Variants in GPC5 observed in about 807,000 individuals in gnomAD.
The protein encoded by GPC5 is glypican 5.
In GPC5, 47 loss-of-function variants were observed where a neutral mutation model predicts 53.9. The observed-to-expected ratio is 0.87, with a 90% CI of 0.69 to 1.11. The LOEUF (loss-of-function observed/expected upper bound fraction) is 1.11. GPC5 is among the 50% of genes most tolerant of loss of function. The pLI, the probability that GPC5 is intolerant of heterozygous loss-of-function variation, is 0.00. For synonymous variants in GPC5, 286 were observed against 263.3 expected, an observed-to-expected ratio of 1.09 and a Z score of -0.84; for missense variants, 748 against 713.1, an observed-to-expected ratio of 1.05 and a Z score of -0.56.
At chr13:91,917,771 A>AC (rs1403500602) in intron 6 of GPC5, among the ~76,000 whole-genome samples, 1 of 152,176 alleles carries the variant, frequency 6.6e-6, no homozygotes, top group East Asian at 1.9e-4. Context: ...TCCACATGAG[A>AC]CCACCTCAGG....
chr13:91,556,204 A>T (rs2030938535), intron 2 of GPC5, among the ~76,000 whole-genome samples: 1 of 152,062 alleles, frequency 6.6e-6, no homozygotes, highest in Admixed American at 6.6e-5. Context: ...TTTAAAAAAA[A>T]ACTCAGCATA....
chr13:91,709,291 G>A (rs1166299333), intron 3 of GPC5, among the ~76,000 whole-genome samples: 1 of 152,152 alleles, frequency 6.6e-6, no homozygotes, highest in Non-Finnish European at 1.5e-5. Flanking sequence ...ATCTTCCAAT[G>A]GTTTTTATTT....
At chr13:91,470,910 T>G (rs1481241418) in intron 2 of GPC5, among the ~76,000 whole-genome samples, 2 of 152,148 alleles carry the variant, frequency 1.3e-5, no homozygotes, top group East Asian at 3.9e-4. Context: ...TTTCAGACAA[T>G]TTCCCTTTCT....
chr13:91,415,415 T>C (rs1215160444), intron 1 of GPC5, among the ~76,000 whole-genome samples: 3 of 152,156 alleles, frequency 2.0e-5, no homozygotes, highest in Non-Finnish European at 4.4e-5. Context: ...AAGCAGCAAG[T>C]AGGGCTAATG....
At chr13:91,665,904 CAA>C (rs1477431475) in intron 2 of GPC5, among the ~76,000 whole-genome samples, 17 of 152,312 alleles carry the variant, frequency 1.1e-4, no homozygotes, top group African/African-American at 4.1e-4. Flanking sequence ...TGCCATTAGA[CAA>C]GTACTAACAT....
chr13:92,381,364 T>C (rs1594149562), intron 7 of GPC5, among the ~76,000 whole-genome samples: 1 of 152,162 alleles, frequency 6.6e-6, no homozygotes, highest in East Asian at 1.9e-4. Flanking sequence ...GTTAAATGGA[T>C]AGATGAACAT....
intron 2 of GPC5, among the ~76,000 whole-genome samples, chr13:91,573,511 A>T (rs1478665542): frequency 2.0e-5 from 3 of 152,178 alleles, no homozygotes; most frequent in Non-Finnish European, 4.4e-5. Context: ...TTTCATTTAA[A>T]AATGTATTTA....
intron 6 of GPC5, among the ~76,000 whole-genome samples, chr13:91,916,722 G>T (rs1449485306): frequency 6.6e-6 from 1 of 152,172 alleles, no homozygotes; most frequent in East Asian, 1.9e-4. Context: ...TTACAATCAT[G>T]AGAGAAGCCA....
At chr13:92,303,567 G>A (rs2043089811) in intron 7 of GPC5, among the ~76,000 whole-genome samples, 1 of 152,080 alleles carries the variant, frequency 6.6e-6, no homozygotes, top group Admixed American at 6.6e-5. Flanking sequence ...AAGCAACAAG[G>A]AAGGAATCTA....
chr13:91,756,712 C>T (rs569935838), intron 5 of GPC5, among the ~76,000 whole-genome samples: 68 of 123,672 alleles, frequency 5.5e-4, no homozygotes, highest in Admixed American at 1.4e-3. Flanking sequence ...TTTATCCAGT[C>T]TGTCTGTTGT....
chr13:92,866,647 C>A lies in GPC5; in HGVS notation c.*208C>A. On this transcript the variant is annotated 3_prime_UTR_variant, in exon 8 of 8. Transcript: ENST00000377067. The stretch of plus-strand genomic sequence containing the variant: ...CACACTTTAAAAATATGTCTTTTTT[C>A]AATCTAACTGAAAACCTTCTTAACT... The A allele has an allele frequency of 2.7e-6, 1 of 365,992 alleles. No homozygotes were observed. The highest frequency in any genetic ancestry group is 4.8e-6 in the Non-Finnish European group (1 of 206,280). 22.7% of individuals were successfully genotyped at this position (365,992 alleles called of 1,614,324 possible). A position where few individuals can be genotyped will look rare whatever the true frequency, so the allele number is the denominator to read the frequency against.
chr13:91,673,345 A>T lies in GPC5; in HGVS notation c.326-19842A>T, dbSNP rs537830857. ...CCTAAAGGAATTATATATAACATTT[A>T]AAAAATTTAGTTATTCTAGTGACTA... On this transcript the variant is annotated intron_variant, in intron 2 of 7. Coordinates refer to ENST00000377067, the MANE Select transcript of GPC5 (RefSeq NM_004466.6). Among the ~76,000 whole-genome samples, 11 of 152,324 alleles carry T rather than the reference A, an allele frequency of 7.2e-5. No homozygotes were observed. The South Asian group carries it at 8.3e-4, about 11-fold the overall frequency.
intron 2 of GPC5, among the ~76,000 whole-genome samples, chr13:91,589,141 G>A (rs139053582): frequency 7.0e-4 from 106 of 152,064 alleles, no homozygotes; most frequent in African/African-American, 2.4e-3. Flanking sequence ...GTCTTTGACC[G>A]TCTCTTCCTA....
intron 2 of GPC5, among the ~76,000 whole-genome samples, chr13:91,547,200 T>C (rs1314366267): frequency 6.6e-6 from 1 of 152,094 alleles, no homozygotes; most frequent in East Asian, 1.9e-4. Flanking sequence ...CAACTAGAGA[T>C]GTTCAGAAGA....
chr13:91,730,939 G>C (rs342715), intron 4 of GPC5, among the ~76,000 whole-genome samples: 2 of 151,970 alleles, frequency 1.3e-5, no homozygotes, highest in Non-Finnish European at 2.9e-5. Context: ...GGAAATGTCA[G>C]TACTTTCCAC....
chr13:91,984,447 G>A (rs760283498), intron 6 of GPC5, among the ~76,000 whole-genome samples: 3 of 152,060 alleles, frequency 2.0e-5, no homozygotes, highest in Non-Finnish European at 4.4e-5. Flanking sequence ...TGCACTTTAC[G>A]TGGTACTCTT....
chr13:92,142,657 T>C (rs927009745), intron 6 of GPC5, among the ~76,000 whole-genome samples: 2 of 152,214 alleles, frequency 1.3e-5, no homozygotes, highest in Non-Finnish European at 2.9e-5. Context: ...AAATCAATTA[T>C]CTTTCTGTTT....
At chr13:92,637,172 A>G (rs1885435631) in intron 7 of GPC5, among the ~76,000 whole-genome samples, 1 of 152,188 alleles carries the variant, frequency 6.6e-6, no homozygotes, top group Non-Finnish European at 1.5e-5. Flanking sequence ...ATTCCTGACA[A>G]AAATGATTTT....
intron 2 of GPC5, among the ~76,000 whole-genome samples, chr13:91,639,912 A>G (rs886340779): frequency 6.6e-6 from 1 of 152,198 alleles, no homozygotes; most frequent in Non-Finnish European, 1.5e-5. Context: ...ATAAAGTAAA[A>G]TACAAGGCAA....
Sources: allele counts gnomAD v4.1 joint callset (sites outside exome capture counted in the v4.1 genomes callset), GRCh38; gene constraint gnomAD v4.1.1; transcripts MANE v1.5; gene names NCBI Gene and HGNC (gene_info 2026-07-23, HGNC 2026-07-21).